Variants in ZFR observed in about 807,000 individuals in gnomAD.
The protein encoded by ZFR is zinc finger RNA binding protein, also known as zinc finger RNA-binding protein.
A neutral mutation model predicts 130.7 loss-of-function variants in ZFR; 19 were observed. The ratio of observed to expected loss-of-function variants is 0.15; its 90% CI spans 0.10 to 0.21. ZFR has a LOEUF of 0.21. Ranked by LOEUF, ZFR falls within the 10% of genes least tolerant of loss-of-function variation. The probability of loss-of-function intolerance (pLI) is 1.00; values close to 1 mark genes in which losing one functional copy is unlikely to be tolerated. For missense variants in ZFR, 872 were observed against 1,321.5 expected (o/e 0.66, Z 5.27); for synonymous variants, 466 against 456.9 (o/e 1.02, Z -0.25).
chr5:32,359,674 G>A (rs1041323989), intron 19 of ZFR, among the ~76,000 whole-genome samples: 2 of 152,164 alleles, frequency 1.3e-5, no homozygotes, highest in African/African-American at 4.8e-5. Flanking sequence ...TCCTTGACCG[G>A]GTGCGGTGGC....
At position 32,406,769 on chromosome 5, in the gene ZFR, A is replaced by T. The variant is rs375249515; in HGVS notation, c.1032+5T>A. 6.2e-6 allele frequency: 10 copies of T among 1,606,354 alleles called. No individual in the cohort carries two copies. The highest frequency in any genetic ancestry group is 7.6e-6 in the Non-Finnish European group (9 of 1,178,214). On this transcript the variant is annotated splice_donor_5th_base_variant and intron_variant, in intron 6 of 19. Transcript: ENST00000265069. The stretch of plus-strand genomic sequence containing the variant: ...GACTCAAGGTAAAACATACAACGTA[A>T]GTACCTGTGGTCCAGCACAGCTGAT...
chr5:32,444,035 GCGGGCCGGGC>G (rs1196893381), intron 2 of ZFR, among the ~76,000 whole-genome samples, 184 bp downstream of exon 2: 2 of 145,322 alleles, frequency 1.4e-5, no homozygotes, highest in African/African-American at 2.5e-5. Context: ...GCTCCCCGCC[GCGGGCCGGGC>G]CGGGCCGGGC....
At chr5:32,407,843 T>C (rs1441899817) in intron 5 of ZFR, among the ~76,000 whole-genome samples, 1 of 152,132 alleles carries the variant, frequency 6.6e-6, no homozygotes, top group East Asian at 1.9e-4. Flanking sequence ...GTTGCTTATG[T>C]TCAGTGATTT....
In ZFR at chr5:32,399,920, A is replaced by G. The variant is rs924197785; in HGVS notation, c.1713+87T>C. The stretch of plus-strand genomic sequence containing the variant: ...AGCTAAATCTAAAATACAATTAAGT[A>G]TATTTAATTTTACACGTAACATATG... On this transcript the variant is annotated intron_variant, in intron 9 of 19. Coordinates refer to ENST00000265069, the MANE Select transcript of ZFR (RefSeq NM_016107.5). The G allele has an allele frequency of 2.6e-6, 3 of 1,145,506 alleles. No homozygotes were observed. In the African/African-American group the frequency reaches 4.7e-5, roughly 18 times the overall value. The allele number at this position is 1,145,506 out of a possible 1,614,324, so 71.0% of individuals were successfully genotyped here. A position where few individuals can be genotyped will look rare whatever the true frequency, so the allele number is the denominator to read the frequency against.
In ZFR at chr5:32,375,250, T is replaced by A. The variant is rs182444092; in HGVS notation, c.2835+3865A>T. 3.6e-3 allele frequency among the ~76,000 whole-genome samples: 546 copies of A among 152,314 alleles called. 4 individuals are homozygous for A. Among genetic ancestry groups the A allele is most frequent in the African/African-American group, 0.011 (476 of 41,566 alleles). ...CTTAAAAAATTGATGAAAGTTCAAC[T>A]TCCGTTACTGATTCAAAAATTACTT... On this transcript the variant is annotated intron_variant, in intron 17 of 19. Coordinates refer to ENST00000265069, the MANE Select transcript of ZFR (RefSeq NM_016107.5).
intron 17 of ZFR, among the ~76,000 whole-genome samples, chr5:32,376,999 A>G (rs1422554412): frequency 6.7e-6 from 1 of 149,138 alleles, no homozygotes; most frequent in Non-Finnish European, 1.5e-5. Context: ...TACTAAAAAT[A>G]CAAAAAATTT....
At chr5:32,432,227 C>T (rs986109804) in intron 2 of ZFR, among the ~76,000 whole-genome samples, 7 of 151,994 alleles carry the variant, frequency 4.6e-5, no homozygotes, top group Admixed American at 1.3e-4. Context: ...ACTTTGATTG[C>T]GCCACTGCAA....
At chr5:32,444,555 C>T in intron 1 of ZFR, 67 bp downstream of exon 1, 1 of 1,430,872 alleles carries the variant, frequency 7.0e-7, no homozygotes, top group Non-Finnish European at 9.2e-7. Context: ...CCAACCCCCG[C>T]GGCTCCCCGC....
intron 9 of ZFR, 60 bp from the exon 10 acceptor site, chr5:32,397,398 C>T: frequency 6.4e-7 from 1 of 1,568,792 alleles, no homozygotes; most frequent in Middle Eastern, 1.7e-4. Flanking sequence ...ATTCATAAAC[C>T]CCCACATATT....
intron 2 of ZFR, among the ~76,000 whole-genome samples, chr5:32,438,780 C>T (rs1754397755): frequency 6.6e-6 from 1 of 151,898 alleles, no homozygotes; most frequent in Non-Finnish European, 1.5e-5. Context: ...CTTCTAAAAC[C>T]CTTATAATAT....
intron 3 of ZFR, among the ~76,000 whole-genome samples, 184 bp downstream of exon 3, chr5:32,419,637 C>T (rs1288481230): frequency 4.6e-5 from 7 of 152,166 alleles, no homozygotes; most frequent in African/African-American, 1.7e-4. Flanking sequence ...CGCGCCCAGC[C>T]GGCAAGGAAC....
chr5:32,409,899 G>A (rs1753661026), intron 5 of ZFR, among the ~76,000 whole-genome samples: 1 of 152,100 alleles, frequency 6.6e-6, no homozygotes, highest in Non-Finnish European at 1.5e-5. Context: ...CTACTCAGGA[G>A]GCTGAGGCTG....
At chr5:32,406,693 T>C in intron 6 of ZFR, 81 bp downstream of exon 6, 1 of 1,480,262 alleles carries the variant, frequency 6.8e-7, no homozygotes, top group Non-Finnish European at 8.9e-7. Flanking sequence ...TGTAAACCTC[T>C]TTTAGTAGGC....
chr5:32,404,051 GCTT>G lies in ZFR; in HGVS notation c.1076_1078del (p.Glu359del). 12 of 1,612,418 alleles carry G rather than the reference GCTT, an allele frequency of 7.4e-6. No individual in the cohort carries two copies. Among genetic ancestry groups the G allele is most frequent in the Non-Finnish European group, 1.0e-5 (12 of 1,179,572 alleles). ...GGTATTTTGTGAGGCTTTCAATGCA[GCTT>G]CTTTTTTTTTATGTTTCTGTCCTTC... is the stretch of plus-strand genomic sequence containing the variant. On this transcript the variant is annotated inframe_deletion, in exon 7 of 20. Transcript: ENST00000265069.
chr5:32,396,155 G>A (rs1753305077), intron 10 of ZFR, among the ~76,000 whole-genome samples: 1 of 151,436 alleles, frequency 6.6e-6, no homozygotes, highest in African/African-American at 2.4e-5. Flanking sequence ...GGAGGTTGCA[G>A]TGAGCCATGT....
At chr5:32,374,844 C>T (rs185136977) in intron 17 of ZFR, among the ~76,000 whole-genome samples, 60 of 152,058 alleles carry the variant, frequency 3.9e-4, no homozygotes, top group Non-Finnish European at 3.1e-4. Flanking sequence ...ATTGAGAAAA[C>T]ACTATTCCCT....
Position 32,419,842 on chromosome 5 carries a change from TG to T in ZFR, c.398del (p.Pro133GlnfsTer14). The T allele has an allele frequency of 6.2e-7, 1 of 1,606,540 alleles. No homozygotes were observed. Among genetic ancestry groups the T allele is most frequent in the Non-Finnish European group, 8.5e-7 (1 of 1,174,564 alleles). On this transcript the variant is annotated frameshift_variant, in exon 3 of 20. Coordinates refer to ENST00000265069, the MANE Select transcript of ZFR (RefSeq NM_016107.5). LOFTEE classifies it high-confidence loss of function. ...RQQEAPPPPP[P>X]ATTQNYQDSY... ...TTACCTGGTAGTTTTGTGTAGTAGC[TG>T]GGGGTGGTGGTGGTGGTGCTTCTTG...
chr5:32,407,051 G>A (rs1581701335), intron 5 of ZFR, 30 bp from the exon 6 acceptor site: 3 of 1,428,130 alleles, frequency 2.1e-6, no homozygotes, highest in South Asian at 3.1e-5. Flanking sequence ...CAAAAATTAT[G>A]TTACATACTT....
intron 2 of ZFR, among the ~76,000 whole-genome samples, chr5:32,442,682 C>T (rs964912280): frequency 6.6e-6 from 1 of 152,178 alleles, no homozygotes; most frequent in African/African-American, 2.4e-5. Context: ...ATTTTGACAT[C>T]TCTTAATGGA....
Sources: gnomAD v4.1 joint callset for allele counts (sites outside exome capture counted in the v4.1 genomes callset) on GRCh38, gnomAD v4.1.1 for gene constraint, MANE v1.5 for transcripts, NCBI Gene and HGNC (gene_info 2026-07-23, HGNC 2026-07-21) for gene names.